SCD5: variants seen among roughly 807,000 people sequenced by gnomAD.
SCD5 encodes acyl-CoA-desaturase 4.
A neutral mutation model predicts 30.4 loss-of-function variants in SCD5; 20 were observed. The ratio of observed to expected loss-of-function variants is 0.66; its 90% CI spans 0.46 to 0.96. The LOEUF is 0.96. Among genes scored for constraint, SCD5 ranks in the 40% least tolerant of loss-of-function variants. The probability of loss-of-function intolerance (pLI) is 0.00; values close to 1 mark genes in which losing one functional copy is unlikely to be tolerated. For synonymous variants in SCD5, 173 were observed against 176.4 expected (o/e 0.98, Z 0.16); for missense variants, 381 against 443.3 (o/e 0.86, Z 1.26).
chr4:82,636,112 A>C (rs1160780216), intron 4 of SCD5, among the ~76,000 whole-genome samples: 1 of 152,140 alleles, frequency 6.6e-6, no homozygotes, highest in Non-Finnish European at 1.5e-5. Context: ...AAGCATTGCT[A>C]GTCCCATTTC....
At position 82,718,785 on chromosome 4, in the gene SCD5, C is replaced by CT. The variant is rs199637237; in HGVS notation, c.233-13373dup. 4.5e-3 allele frequency among the ~76,000 whole-genome samples: 681 copies of CT among 151,870 alleles called. 20 individuals are homozygous for CT. The highest frequency in any genetic ancestry group is 0.014 in the African/African-American group (587 of 41,192). On this transcript the variant is annotated intron_variant, in intron 1 of 4. Transcript: ENST00000319540. Reference sequence around the variant, plus strand: ...ACACATTTTTATTCTTGCCAAATCGCTTTAAGTTGCTGTGAATAACCCCAA... The same window carrying CT: ...ACACATTTTTATTCTTGCCAAATCGCTTTTAAGTTGCTGTGAATAACCCCAA...
At chr4:82,775,367 T>A (rs914793310) in intron 1 of SCD5, 4 of 152,394 alleles carry the variant, frequency 2.6e-5, no homozygotes, top group African/African-American at 9.6e-5. Flanking sequence ...TAGGAAAGCA[T>A]CGGCATAGGT....
At chr4:82,725,080 A>G (rs1377503820) in intron 1 of SCD5, among the ~76,000 whole-genome samples, 1 of 152,228 alleles carries the variant, frequency 6.6e-6, no homozygotes, top group African/African-American at 2.4e-5. Flanking sequence ...GGTTTTCTGA[A>G]GGCCAAATAC....
chr4:82,776,950 C>T (rs1721757013), intron 1 of SCD5, among the ~76,000 whole-genome samples: 1 of 152,208 alleles, frequency 6.6e-6, no homozygotes, highest in African/African-American at 2.4e-5. Flanking sequence ...TAATAACATG[C>T]ATTCTGCTGA....
intron 1 of SCD5, among the ~76,000 whole-genome samples, chr4:82,713,550 T>C (rs982943461): frequency 1.4e-4 from 21 of 152,302 alleles, no homozygotes; most frequent in Admixed American, 1.2e-3. Context: ...AATACAGCAA[T>C]TGTCACGTTG....
At chr4:82,734,005 G>A (rs1180175562) in intron 1 of SCD5, among the ~76,000 whole-genome samples, 1 of 151,952 alleles carries the variant, frequency 6.6e-6, no homozygotes, top group Non-Finnish European at 1.5e-5. Context: ...TACATACAAT[G>A]AAGGCTGTGT....
chr4:82,728,398 G>T (rs983972508), intron 1 of SCD5, among the ~76,000 whole-genome samples: 1 of 152,142 alleles, frequency 6.6e-6, no homozygotes, highest in East Asian at 1.9e-4. Context: ...ACAAGGTTAG[G>T]ATTATGAGAG....
chr4:82,707,170 G>C (rs1414125093), intron 1 of SCD5, among the ~76,000 whole-genome samples: 1 of 152,218 alleles, frequency 6.6e-6, no homozygotes, highest in Non-Finnish European at 1.5e-5. Flanking sequence ...TTGTGACTTT[G>C]AGGAGATAAA....
intron 4 of SCD5, among the ~76,000 whole-genome samples, chr4:82,633,988 A>T (rs7698041): frequency 0.26 from 39,744 of 152,076 alleles, 6,188 homozygotes; most frequent in African/African-American, 0.43. Flanking sequence ...ACACTTCATA[A>T]AAATAAAATC....
intron 3 of SCD5, among the ~76,000 whole-genome samples, chr4:82,646,392 T>C (rs777735164): frequency 1.3e-4 from 20 of 152,182 alleles, no homozygotes; most frequent in Non-Finnish European, 2.5e-4. Context: ...TTGAAATATG[T>C]GATGCACTTG....
chr4:82,659,569 T>G (rs190747379), intron 3 of SCD5, among the ~76,000 whole-genome samples: 4 of 152,326 alleles, frequency 2.6e-5, no homozygotes, highest in African/African-American at 9.6e-5. Flanking sequence ...TAGTTATTTC[T>G]GCCTTAATTT....
intron 3 of SCD5, chr4:82,661,204 CCT>C (rs1727997391): frequency 2.6e-6 from 2 of 777,188 alleles, no homozygotes; most frequent in African/African-American, 1.7e-5. Flanking sequence ...TCTAATCATC[CCT>C]TGACACACTC....
At chr4:82,781,485 A>G (rs1721872467) in intron 1 of SCD5, among the ~76,000 whole-genome samples, 1 of 152,062 alleles carries the variant, frequency 6.6e-6, no homozygotes, top group Non-Finnish European at 1.5e-5. Context: ...GGGAGGGGAA[A>G]GATTCAACAG....
intron 1 of SCD5, among the ~76,000 whole-genome samples, chr4:82,715,928 T>C (rs888228363): frequency 4.0e-5 from 6 of 151,856 alleles, no homozygotes; most frequent in Non-Finnish European, 8.8e-5. Flanking sequence ...CTGGTACTTG[T>C]GGCCACACTC....
chr4:82,643,902 C>A (rs751211482), intron 3 of SCD5, among the ~76,000 whole-genome samples: 1 of 152,196 alleles, frequency 6.6e-6, no homozygotes, highest in African/African-American at 2.4e-5. Flanking sequence ...GCTGACAGAG[C>A]AGATGGATGG....
intron 3 of SCD5, among the ~76,000 whole-genome samples, chr4:82,665,053 C>T (rs56687404): frequency 2.4e-4 from 6 of 25,308 alleles, no homozygotes; most frequent in African/African-American, 4.7e-4. Context: ...CACATATATA[C>T]ACACACACAT....
At chr4:82,664,999 C>CTATATATATATATATATA (rs70964800) in intron 3 of SCD5, among the ~76,000 whole-genome samples, 2 of 70,492 alleles carry the variant, frequency 2.8e-5, no homozygotes, top group South Asian at 7.3e-4. Context: ...CTCTCTCTCT[C>CTATATATATATATATATA]TATATATATA....
chr4:82,730,186 ATATGTAT>A, intron 1 of SCD5, among the ~76,000 whole-genome samples: 1 of 148,200 alleles, frequency 6.7e-6, no homozygotes, highest in South Asian at 2.1e-4. Flanking sequence ...GGGGGAAAAT[ATATGTAT>A]TATATATTTT....
chr4:82,722,833 C>T (rs1720397573), intron 1 of SCD5, among the ~76,000 whole-genome samples: 1 of 151,722 alleles, frequency 6.6e-6, no homozygotes, highest in African/African-American at 2.4e-5. Context: ...TTTGGGAGGC[C>T]GAGGCGGACA....
Sources: allele counts gnomAD v4.1 joint callset (sites outside exome capture counted in the v4.1 genomes callset), GRCh38; gene constraint gnomAD v4.1.1; transcripts MANE v1.5; gene names NCBI Gene and HGNC (gene_info 2026-07-23, HGNC 2026-07-21).